Variants in ST8SIA6 observed in about 807,000 individuals in gnomAD.
ST8SIA6 encodes ST8 alpha-N-acetyl-neuraminide alpha-2,8-sialyltransferase 6, also known as alpha-2,8-sialyltransferase 8F.
ST8SIA6 carries 39 observed loss-of-function variants against 33.6 expected under a neutral mutation model. The observed-to-expected ratio is 1.16, with a 90% CI of 0.90 to 1.52. The LOEUF (loss-of-function observed/expected upper bound fraction) is 1.52, where lower values mean the gene tolerates loss of function less well. Ranked by LOEUF, ST8SIA6 falls within the 40% of genes most tolerant of loss-of-function variation. The pLI, the probability that ST8SIA6 is intolerant of heterozygous loss-of-function variation, is 0.00. For missense variants in ST8SIA6, 441 were observed against 443.8 expected, an observed-to-expected ratio of 0.99 and a Z score of 0.06; for synonymous variants, 172 against 167.2, an observed-to-expected ratio of 1.03 and a Z score of -0.22.
chr10:17,345,330 A>G (rs745897037), intron 4 of ST8SIA6, among the ~76,000 whole-genome samples: 9 of 152,208 alleles, frequency 5.9e-5, no homozygotes, highest in Non-Finnish European at 1.3e-4. Context: ...AGCAAAGTAC[A>G]AGCAAGTTTG....
chr10:17,363,248 G>C (rs7094076), intron 3 of ST8SIA6, among the ~76,000 whole-genome samples: 2,016 of 152,032 alleles, frequency 0.013, 47 homozygotes, highest in African/African-American at 0.046. Flanking sequence ...TCTCAATCCA[G>C]TAATCCAATT....
chr10:17,378,116 G>A (rs542348671), intron 3 of ST8SIA6, among the ~76,000 whole-genome samples: 3 of 152,250 alleles, frequency 2.0e-5, no homozygotes, highest in African/African-American at 7.2e-5. Context: ...CTGAGAAAAG[G>A]TCTTAGCACC....
Position 17,428,189 on chromosome 10 carries a change from T to C in ST8SIA6, c.200+25370A>G, listed in dbSNP as rs1050173006. ...CATAAAACCTGGAACATGTATTCCATAGGTTGCTTTGATGATAAGCAGATA... is the reference window on the plus strand; with the variant it reads ...CATAAAACCTGGAACATGTATTCCACAGGTTGCTTTGATGATAAGCAGATA... On this transcript the variant is annotated intron_variant, in intron 2 of 7. Transcript: ENST00000377602. Among the ~76,000 whole-genome samples, 4 of 152,188 alleles carry C rather than the reference T, an allele frequency of 2.6e-5. No homozygotes were observed. In the East Asian group the frequency reaches 5.8e-4, roughly 22 times the overall value.
intron 2 of ST8SIA6, among the ~76,000 whole-genome samples, chr10:17,428,862 G>A (rs926856348): frequency 1.3e-5 from 2 of 152,186 alleles, no homozygotes; most frequent in Admixed American, 6.5e-5. Flanking sequence ...CGACCATCTC[G>A]GCAGAAAGCC....
At chr10:17,450,809 C>A (rs1852883020) in intron 2 of ST8SIA6, among the ~76,000 whole-genome samples, 1 of 152,200 alleles carries the variant, frequency 6.6e-6, no homozygotes, top group Non-Finnish European at 1.5e-5. Context: ...CATTTTTCCT[C>A]AGAAAGAACA....
chr10:17,328,375 C>A lies in ST8SIA6; in HGVS notation c.523-1249G>T, dbSNP rs951954807. Among the ~76,000 whole-genome samples, 4 of 152,286 alleles carry A rather than the reference C, an allele frequency of 2.6e-5. No individual in the cohort carries two copies. The East Asian group carries it at 7.7e-4, about 29-fold the overall frequency. ...GAATCTTTCTTATTCCTTTTAGGAC[C>A]TGGCCTGCTTACCCCAGAAGGTTTC... On this transcript the variant is annotated intron_variant, in intron 5 of 7. Coordinates refer to ENST00000377602, the MANE Select transcript of ST8SIA6 (RefSeq NM_001004470.3).
At chr10:17,343,488 C>T (rs1486904287) in intron 4 of ST8SIA6, among the ~76,000 whole-genome samples, 2 of 152,148 alleles carry the variant, frequency 1.3e-5, no homozygotes, top group East Asian at 3.9e-4. Flanking sequence ...TTGGTACCTG[C>T]AGAAGAGAGG....
rs141961243 is a variant in ST8SIA6, at chr10:17,321,214, G to C, written c.861C>G (p.Leu287=). The C allele has an allele frequency of 6.2e-6, 10 of 1,613,912 alleles. No individual in the cohort carries two copies. Among genetic ancestry groups the C allele is most frequent in the Non-Finnish European group, 8.5e-6 (10 of 1,179,992 alleles). ...CCTTTTGTCTTGCTTTAGACTCTTC[G>C]AGCGTGTAGTATACTTTGAAAGAGG... ...TGTSFKVYYT[L]EESKARQKVL... Residue 287 remains leucine, a synonymous_variant, in exon 8 of 8, where the codon CTC becomes CTG. Transcript: ENST00000377602.
At chr10:17,396,841 C>T (rs1850824287) in intron 2 of ST8SIA6, among the ~76,000 whole-genome samples, 1 of 152,206 alleles carries the variant, frequency 6.6e-6, no homozygotes, top group African/African-American at 2.4e-5. Flanking sequence ...CTAAACCATT[C>T]TTGGAAAGCA....
chr10:17,363,625 T>G (rs1460187029), intron 3 of ST8SIA6, among the ~76,000 whole-genome samples: 1 of 152,072 alleles, frequency 6.6e-6, no homozygotes, highest in Non-Finnish European at 1.5e-5. Context: ...TATGCTGGAG[T>G]TGGCTCATAC....
At chr10:17,386,679 G>A (rs1316296427) in intron 3 of ST8SIA6, among the ~76,000 whole-genome samples, 2 of 152,212 alleles carry the variant, frequency 1.3e-5, no homozygotes, top group Admixed American at 1.3e-4. Flanking sequence ...GGAGCAACAG[G>A]CAGTTTTAAT....
intron 2 of ST8SIA6, among the ~76,000 whole-genome samples, chr10:17,419,115 T>C (rs1466399754): frequency 1.3e-5 from 2 of 152,254 alleles, no homozygotes; most frequent in African/African-American, 4.8e-5. Flanking sequence ...TCATTTTCTA[T>C]CATCTCTCAA....
chr10:17,413,796 T>C (rs773727226), intron 2 of ST8SIA6, among the ~76,000 whole-genome samples: 9 of 152,272 alleles, frequency 5.9e-5, no homozygotes, highest in Admixed American at 4.6e-4. Flanking sequence ...ATCTGTTTTA[T>C]CTTCTACATT....
chr10:17,453,341 G>A (rs1042896077), intron 2 of ST8SIA6, among the ~76,000 whole-genome samples: 2 of 152,044 alleles, frequency 1.3e-5, no homozygotes. Context: ...GATCCCCCTT[G>A]ATTCAAAGAC....
At chr10:17,376,179 G>A (rs1396073806) in intron 3 of ST8SIA6, among the ~76,000 whole-genome samples, 1 of 152,188 alleles carries the variant, frequency 6.6e-6, no homozygotes. Context: ...TGCAGGCTGC[G>A]TGCAGTATCC....
At chr10:17,352,419 T>C (rs2131609806) in intron 4 of ST8SIA6, among the ~76,000 whole-genome samples, 1 of 152,230 alleles carries the variant, frequency 6.6e-6, no homozygotes, top group Non-Finnish European at 1.5e-5. Flanking sequence ...TATAAACTCA[T>C]GAGTGAAGGA....
intron 4 of ST8SIA6, among the ~76,000 whole-genome samples, chr10:17,333,594 T>G (rs1564404641): frequency 7.0e-6 from 1 of 142,624 alleles, no homozygotes; most frequent in Non-Finnish European, 1.5e-5. Context: ...ACCACACATC[T>G]ACAACCATCT....
At chr10:17,415,442 C>T (rs1363437171) in intron 2 of ST8SIA6, among the ~76,000 whole-genome samples, 1 of 152,126 alleles carries the variant, frequency 6.6e-6, no homozygotes, top group Non-Finnish European at 1.5e-5. Context: ...TGATGACACA[C>T]CAGGAGTCCA....
intron 3 of ST8SIA6, among the ~76,000 whole-genome samples, chr10:17,371,658 C>T (rs140411449): frequency 0.018 from 2,696 of 151,454 alleles, 62 homozygotes; most frequent in East Asian, 0.083. Context: ...TGGTGGTGCA[C>T]GCCTATAATC....
Sources: allele counts gnomAD v4.1 joint callset (sites outside exome capture counted in the v4.1 genomes callset), GRCh38; gene constraint gnomAD v4.1.1; transcripts MANE v1.5; gene names NCBI Gene and HGNC (gene_info 2026-07-23, HGNC 2026-07-21).